Variants in CDH2 observed in about 807,000 individuals in gnomAD.
The protein encoded by CDH2 is cadherin 2, also known as cadherin-2.
CDH2 carries 17 observed loss-of-function variants against 92.0 expected under a neutral mutation model. The ratio of observed to expected loss-of-function variants is 0.18; its 90% confidence interval spans 0.13 to 0.28. CDH2 has a LOEUF of 0.28. Ranked by LOEUF, CDH2 falls within the 10% of genes least tolerant of loss-of-function variation. CDH2 has a pLI of 1.00. For missense variants in CDH2, 862 were observed against 1,133.1 expected (o/e 0.76, Z 3.44); for synonymous variants, 419 against 415.9 (o/e 1.01, Z -0.09).
At chr18:28,163,330 T>C (rs2016333417) in intron 1 of CDH2, among the ~76,000 whole-genome samples, 1 of 152,208 alleles carries the variant, frequency 6.6e-6, no homozygotes, top group South Asian at 2.1e-4. Context: ...AAAACATGCA[T>C]ACCTTGCAAT....
Position 28,039,930 on chromosome 18 carries a change from G to A in CDH2, c.173-26021C>T, listed in dbSNP as rs115394524. ...AACAGTTATTTCCTTTTAACTATAT[G>A]CTGATGACAATGCATGCTTTAATAT... On this transcript the variant is annotated intron_variant, in intron 2 of 15. Coordinates refer to ENST00000269141, the MANE Select transcript of CDH2 (RefSeq NM_001792.5). Among the ~76,000 whole-genome samples the A allele has an allele frequency of 5.9e-3, 904 of 152,240 alleles. 8 individuals are homozygous for A. Among genetic ancestry groups the A allele is most frequent in the African/African-American group, 0.02 (815 of 41,544 alleles).
chr18:27,993,558 G>A lies in CDH2; in HGVS notation c.1100C>T (p.Thr367Met), dbSNP rs200933425. Residue 367 changes from threonine (T) to methionine (M), a missense_variant, in exon 8 of 16, where the codon ACG becomes ATG. This residue lies in a region of CDH2 where 564 missense variants were observed against 722.2 expected (regional missense o/e 0.78). Transcript: ENST00000269141. ...GACATCTGTCACTGTGATGACGGCC[G>A]TGGCTGTGTTTGAAAGGCCATATGT... ...NPTYGLSNTA[T>M]AVITVTDVND... is the part of the protein sequence containing the mutation. 5.9e-5 allele frequency: 95 copies of A among 1,614,104 alleles called. No individual in the cohort carries two copies. The South Asian group carries it at 7.1e-4, about 12-fold the overall frequency.
intron 2 of CDH2, among the ~76,000 whole-genome samples, 159 bp downstream of exon 2, chr18:28,147,514 T>C (rs1428682629): frequency 1.3e-5 from 2 of 152,132 alleles, no homozygotes; most frequent in Admixed American, 6.5e-5. Flanking sequence ...ATTCATAAGC[T>C]CTTCTGTAAT....
chr18:27,951,090 T>C lies in CDH2; in HGVS notation c.*1063A>G, dbSNP rs1309880117. ...TCTCCAGTTTAAAAGCTTTTTTTTT[T>C]CCATTTTTTTTTTAAAAAAACACAC... On this transcript the variant is annotated 3_prime_UTR_variant, in exon 16 of 16. Coordinates refer to ENST00000269141, the MANE Select transcript of CDH2 (RefSeq NM_001792.5). 6.6e-6 allele frequency: 1 copy of C among 151,596 alleles called. No individual in the cohort carries two copies. Among genetic ancestry groups the C allele is most frequent in the Non-Finnish European group, 1.5e-5 (1 of 67,740 alleles). 9.4% of individuals were successfully genotyped at this position (151,596 alleles called of 1,614,324 possible).
At chr18:28,110,824 T>C (rs1163977433) in intron 2 of CDH2, among the ~76,000 whole-genome samples, 3 of 152,082 alleles carry the variant, frequency 2.0e-5, no homozygotes, top group Non-Finnish European at 4.4e-5. Context: ...TGGCCAAAGG[T>C]ATCCAGCTGC....
At position 27,951,894 on chromosome 18, in the gene CDH2, G is replaced by GA; in HGVS notation, c.*258dup. 1 of 453,724 alleles carries GA rather than the reference G, an allele frequency of 2.2e-6. No homozygotes were observed. The highest frequency in any genetic ancestry group is 4.0e-6 in the Non-Finnish European group (1 of 249,510). 28.1% of individuals were successfully genotyped at this position (453,724 alleles called of 1,614,324 possible). A position where few individuals can be genotyped will look rare whatever the true frequency, so the allele number is the denominator to read the frequency against. ...TTAAACAGAAAACTAATTCCAATCT[G>GA]AAAAAGGTACAAAAAGGCACATAAA... is the stretch of plus-strand genomic sequence containing the variant. On this transcript the variant is annotated 3_prime_UTR_variant, in exon 16 of 16. Coordinates refer to ENST00000269141, the MANE Select transcript of CDH2 (RefSeq NM_001792.5).
intron 6 of CDH2, among the ~76,000 whole-genome samples, chr18:27,935,462 A>G (rs770310825): frequency 6.6e-6 from 1 of 152,180 alleles, no homozygotes; most frequent in African/African-American, 2.4e-5. Context: ...TCATGATACA[A>G]TCATCTCCCA....
intron 11 of CDH2, 53 bp from the exon 12 acceptor site, chr18:27,985,814 C>T (rs1467216298): frequency 2.9e-6 from 3 of 1,041,034 alleles, no homozygotes; most frequent in Non-Finnish European, 4.3e-6. Context: ...TCCAATGAGC[C>T]TCAATTATGG....
chr18:27,952,416 A>G (rs560675545), intron 15 of CDH2, 57 bp from the exon 16 acceptor site: 1 of 1,357,840 alleles, frequency 7.4e-7, no homozygotes, highest in African/African-American at 1.4e-5. Context: ...ACTTTACAAA[A>G]CCACAAGCAG....
chr18:28,138,278 T>G (rs1239323226), intron 2 of CDH2, among the ~76,000 whole-genome samples: 1 of 152,000 alleles, frequency 6.6e-6, no homozygotes, highest in Non-Finnish European at 1.5e-5. Context: ...AAATCAATTT[T>G]ACAAGTGTAA....
At chr18:27,945,323 A>ATTTTTTTTTTTTTT (rs66537834) in intron 6 of CDH2, among the ~76,000 whole-genome samples, 11 of 66,458 alleles carry the variant, frequency 1.7e-4, no homozygotes, top group South Asian at 1.9e-3. Flanking sequence ...AGGAAGGAAG[A>ATTTTTTTTTTTTTT]TTTTTTTTTT....
chr18:28,012,492 A>G (rs2013128919), intron 3 of CDH2, among the ~76,000 whole-genome samples: 1 of 152,136 alleles, frequency 6.6e-6, no homozygotes, highest in Non-Finnish European at 1.5e-5. Context: ...TTCTAAACCT[A>G]TGTCAGCCAT....
intron 7 of CDH2, 27 bp from the exon 8 acceptor site, chr18:27,993,664 A>G: frequency 1.3e-6 from 2 of 1,525,030 alleles, no homozygotes; most frequent in Non-Finnish European, 1.8e-6. Flanking sequence ...ATAAGAACTT[A>G]AATGAAACTA....
At chr18:28,096,036 A>C (rs1429617081) in intron 2 of CDH2, among the ~76,000 whole-genome samples, 1 of 152,308 alleles carries the variant, frequency 6.6e-6, no homozygotes, top group Non-Finnish European at 1.5e-5. Context: ...TTTATAGGTC[A>C]CTGTGAGGGT....
intron 2 of CDH2, among the ~76,000 whole-genome samples, chr18:28,078,947 T>C (rs2014776766): frequency 6.6e-6 from 1 of 152,168 alleles, no homozygotes; most frequent in Non-Finnish European, 1.5e-5. Flanking sequence ...CACACACTAA[T>C]CAGAGTAGAG....
chr18:28,041,310 A>G (rs1310599824), intron 2 of CDH2, among the ~76,000 whole-genome samples: 1 of 152,242 alleles, frequency 6.6e-6, no homozygotes, highest in Admixed American at 6.5e-5. Flanking sequence ...TAAGGTATAC[A>G]TGGGGACCAG....
At chr18:28,123,317 T>C (rs2144276088) in intron 2 of CDH2, among the ~76,000 whole-genome samples, 1 of 152,276 alleles carries the variant, frequency 6.6e-6, no homozygotes, top group Non-Finnish European at 1.5e-5. Context: ...GATGCTATGA[T>C]GATCCATGTA....
chr18:28,098,003 T>A (rs1290432870), intron 2 of CDH2, among the ~76,000 whole-genome samples: 2 of 152,158 alleles, frequency 1.3e-5, no homozygotes, highest in South Asian at 4.1e-4. Flanking sequence ...ATATCCTGTG[T>A]CCCAAAATTT....
At chr18:28,165,498 C>G (rs2144360461) in intron 1 of CDH2, among the ~76,000 whole-genome samples, 1 of 152,312 alleles carries the variant, frequency 6.6e-6, no homozygotes, top group Non-Finnish European at 1.5e-5. Flanking sequence ...AGCCTGAAAG[C>G]ACTTTTCTAA....
Sources: allele counts gnomAD v4.1 joint callset (sites outside exome capture counted in the v4.1 genomes callset), GRCh38; gene constraint gnomAD v4.1.1; regional missense constraint gnomAD v4.1.1; transcripts MANE v1.5; gene names NCBI Gene and HGNC (gene_info 2026-07-23, HGNC 2026-07-21).